CNTN4: variants seen among roughly 807,000 people sequenced by gnomAD.
CNTN4 encodes contactin-4.
A neutral mutation model predicts 122.5 loss-of-function variants in CNTN4; 77 were observed. The ratio of observed to expected loss-of-function variants is 0.63; its 90% CI spans 0.52 to 0.76. CNTN4 has a LOEUF of 0.76. Among genes scored for constraint, CNTN4 ranks in the 30% least tolerant of loss-of-function variants. The pLI is 0.00. For missense variants in CNTN4, 1,256 were observed against 1,259.1 expected (o/e 1.00, Z 0.04); for synonymous variants, 512 against 447.0 (o/e 1.15, Z -1.83).
chr3:2,501,486 G>A (rs1236232470), intron 3 of CNTN4, among the ~76,000 whole-genome samples: 1 of 152,176 alleles, frequency 6.6e-6, no homozygotes, highest in South Asian at 2.1e-4. Context: ...TCCTTCAGGA[G>A]GTTCTAGGGG....
chr3:2,800,156 T>A (rs2092313663), intron 6 of CNTN4, among the ~76,000 whole-genome samples: 3 of 151,978 alleles, frequency 2.0e-5, no homozygotes, highest in African/African-American at 7.3e-5. Context: ...ACATTAATTT[T>A]AAGATTTAAA....
chr3:2,859,233 G>A (rs1416327891), intron 7 of CNTN4, among the ~76,000 whole-genome samples: 1 of 152,138 alleles, frequency 6.6e-6, no homozygotes, highest in African/African-American at 2.4e-5. Flanking sequence ...GCAAATAACA[G>A]TATTTTATTA....
intron 3 of CNTN4, among the ~76,000 whole-genome samples, chr3:2,552,327 A>G (rs889410345): frequency 3.3e-5 from 5 of 152,204 alleles, no homozygotes; most frequent in Admixed American, 6.5e-5. Flanking sequence ...CAGAACAACA[A>G]CTTCACTTCT....
chr3:2,802,344 A>C (rs1475633431), intron 6 of CNTN4, among the ~76,000 whole-genome samples: 1 of 152,180 alleles, frequency 6.6e-6, no homozygotes, highest in Non-Finnish European at 1.5e-5. Flanking sequence ...TTCTCGTTTG[A>C]GCTCTAGGTG....
intron 2 of CNTN4, among the ~76,000 whole-genome samples, chr3:2,133,884 T>A (rs1338164913): frequency 6.6e-6 from 1 of 152,216 alleles, no homozygotes; most frequent in African/African-American, 2.4e-5. Context: ...AGAATTAGAT[T>A]TAAAGCTCTA....
At chr3:2,127,424 C>T (rs2034229239) in intron 2 of CNTN4, among the ~76,000 whole-genome samples, 1 of 152,140 alleles carries the variant, frequency 6.6e-6, no homozygotes, top group African/African-American at 2.4e-5. Context: ...GAATAACATG[C>T]TCCTGATATA....
intron 2 of CNTN4, among the ~76,000 whole-genome samples, chr3:2,279,418 A>T (rs2041635343): frequency 6.6e-6 from 1 of 152,186 alleles, no homozygotes; most frequent in African/African-American, 2.4e-5. Context: ...CCAACATCAG[A>T]TCATTAGGAG....
chr3:2,850,879 C>A (rs1216206140), intron 7 of CNTN4, among the ~76,000 whole-genome samples: 1 of 152,070 alleles, frequency 6.6e-6, no homozygotes, highest in Non-Finnish European at 1.5e-5. Flanking sequence ...GAATGTGTTT[C>A]AATCTCCTTG....
chr3:2,975,386 G>A (rs1330546172), intron 13 of CNTN4, among the ~76,000 whole-genome samples: 1 of 152,052 alleles, frequency 6.6e-6, no homozygotes, highest in Non-Finnish European at 1.5e-5. Context: ...TCTATTTCTT[G>A]TAAATGACAT....
chr3:2,979,087 C>T (rs545635274), intron 13 of CNTN4, among the ~76,000 whole-genome samples: 200 of 152,264 alleles, frequency 1.3e-3, no homozygotes, highest in African/African-American at 3.8e-3. Context: ...GGCTTATCTA[C>T]GAGGTGTTCG....
chr3:2,989,986 C>T (rs1213611478), intron 14 of CNTN4, among the ~76,000 whole-genome samples: 2 of 152,150 alleles, frequency 1.3e-5, no homozygotes, highest in African/African-American at 2.4e-5. Flanking sequence ...GGATTCAAGT[C>T]AGAGTGATCT....
At chr3:2,348,135 T>C (rs1339598862) in intron 3 of CNTN4, among the ~76,000 whole-genome samples, 1 of 152,224 alleles carries the variant, frequency 6.6e-6, no homozygotes. Flanking sequence ...CCAAGAGTGG[T>C]TCTGCTTTTG....
At chr3:2,294,094 A>G (rs2042222650) in intron 2 of CNTN4, among the ~76,000 whole-genome samples, 2 of 152,216 alleles carry the variant, frequency 1.3e-5, no homozygotes, top group South Asian at 2.1e-4. Flanking sequence ...GTGGTGAGGC[A>G]GGCCAAACTG....
At chr3:2,937,142 T>G (rs2094573899) in intron 13 of CNTN4, among the ~76,000 whole-genome samples, 1 of 152,246 alleles carries the variant, frequency 6.6e-6, no homozygotes, top group Admixed American at 6.5e-5. Context: ...GTTTTTGGTT[T>G]GCTGTGCCTT....
At chr3:2,691,842 TG>T (rs1373554033) in intron 4 of CNTN4, among the ~76,000 whole-genome samples, 1 of 152,238 alleles carries the variant, frequency 6.6e-6, no homozygotes, top group African/African-American at 2.4e-5. Context: ...TGTTTATAAT[TG>T]AACTGAGCTA....
intron 3 of CNTN4, among the ~76,000 whole-genome samples, chr3:2,504,453 G>C (rs1208355396): frequency 6.6e-6 from 1 of 152,168 alleles, no homozygotes; most frequent in Non-Finnish European, 1.5e-5. Flanking sequence ...TTTTGTGTGA[G>C]AGGGTTGAGT....
At position 2,205,590 on chromosome 3, in the gene CNTN4, GTC is replaced by G. The variant is rs572160038; in HGVS notation, c.-145+104957_-145+104958del. Among the ~76,000 whole-genome samples the G allele has an allele frequency of 2.7e-3, 414 of 152,112 alleles. 2 individuals are homozygous for G. The highest frequency in any genetic ancestry group is 9.2e-3 in the African/African-American group (380 of 41,524). ...TAAGCTCCCAAAGGGCAGAGATGAT[GTC>G]TCTCTGATTTTCAAGGGACTAACCC... On this transcript the variant is annotated intron_variant, in intron 2 of 24. Coordinates refer to ENST00000418658, the MANE Select transcript of CNTN4 (RefSeq NM_175607.3).
chr3:2,549,270 C>T (rs929042584), intron 3 of CNTN4, among the ~76,000 whole-genome samples: 3 of 152,126 alleles, frequency 2.0e-5, no homozygotes, highest in Non-Finnish European at 4.4e-5. Flanking sequence ...GCATCCTTGT[C>T]TTGTGCTGGT....
At chr3:2,376,688 T>TAAAAA (rs11404151) in intron 3 of CNTN4, among the ~76,000 whole-genome samples, 4 of 134,378 alleles carry the variant, frequency 3.0e-5, no homozygotes, top group African/African-American at 8.5e-5. Flanking sequence ...ACTTGTATGT[T>TAAAAA]AAAAAAAAAA....
Sources: gnomAD v4.1 joint callset for allele counts (sites outside exome capture counted in the v4.1 genomes callset) on GRCh38, gnomAD v4.1.1 for gene constraint, MANE v1.5 for transcripts, NCBI Gene and HGNC (gene_info 2026-07-23, HGNC 2026-07-21) for gene names.